Variants in IPO11 observed in about 807,000 individuals in gnomAD.
The protein encoded by IPO11 is importin-11.
Under a neutral mutation model 143.2 loss-of-function variants are expected in IPO11, and 66 were observed. The observed-to-expected ratio is 0.46, with a 90% confidence interval of 0.38 to 0.57. The LOEUF is 0.57. Ranked by LOEUF, IPO11 falls within the 20% of genes least tolerant of loss-of-function variation. The pLI is 0.00. For missense variants in IPO11, 1,026 were observed against 1,141.0 expected, an observed-to-expected ratio of 0.90 and a Z score of 1.45; for synonymous variants, 385 against 377.8, an observed-to-expected ratio of 1.02 and a Z score of -0.22.
At chr5:62,469,340 A>G (rs746260207) in intron 6 of IPO11, among the ~76,000 whole-genome samples, 28 of 152,236 alleles carry the variant, frequency 1.8e-4, no homozygotes, top group Admixed American at 6.5e-4. Context: ...GGTCTTATAG[A>G]CAGCTACATT....
rs1035638792 is a variant in IPO11 at position 62,514,460 on chromosome 5, C to T, written c.1783-928C>T. Among the ~76,000 whole-genome samples the T allele has an allele frequency of 1.9e-4, 29 of 151,900 alleles. 1 individual carries two copies. Among genetic ancestry groups the T allele is most frequent in the African/African-American group, 6.3e-4 (26 of 41,222 alleles). On this transcript the variant is annotated intron_variant, in intron 19 of 29. Coordinates refer to ENST00000325324, the MANE Select transcript of IPO11 (RefSeq NM_016338.5). ...CACGAAAACCAGTCAGGCGTGGCGG[C>T]GCACGCCTGCAATCGCAGGCACTTG...
chr5:62,561,039 T>TTTAACCATGAC, intron 26 of IPO11, 97 bp from the exon 27 acceptor site: 1 of 1,112,120 alleles, frequency 9.0e-7, no homozygotes, highest in Non-Finnish European at 1.3e-6. Flanking sequence ...ATAATTGAAT[T>TTTAACCATGAC]TTAACCATGA....
intron 28 of IPO11, among the ~76,000 whole-genome samples, chr5:62,594,021 A>G (rs1258331475): frequency 6.6e-6 from 1 of 152,190 alleles, no homozygotes; most frequent in Non-Finnish European, 1.5e-5. Context: ...CTTCCTGTTT[A>G]TTTAAACAGT....
At chr5:62,494,362 T>G (rs1741053611) in intron 16 of IPO11, among the ~76,000 whole-genome samples, 1 of 152,148 alleles carries the variant, frequency 6.6e-6, no homozygotes, top group African/African-American at 2.4e-5. Context: ...AATTTATAAT[T>G]TCTTAGAAAA....
At chr5:62,435,200 G>GTATATATATATATA in intron 1 of IPO11, among the ~76,000 whole-genome samples, 1 of 104,696 alleles carries the variant, frequency 9.6e-6, no homozygotes, top group Admixed American at 1.1e-4. Context: ...GTATATATAT[G>GTATATATATATATA]TATATATATG....
chr5:62,422,101 T>A (rs1309755626), intron 1 of IPO11, among the ~76,000 whole-genome samples: 1 of 152,184 alleles, frequency 6.6e-6, no homozygotes, highest in Non-Finnish European at 1.5e-5. Flanking sequence ...TTTTCCTTCC[T>A]ATTTTTTTTC....
Position 62,483,201 on chromosome 5 carries a change from G to GC in IPO11, c.930dup (p.Val311ArgfsTer4). 5 of 1,610,428 alleles carry GC rather than the reference G, an allele frequency of 3.1e-6. No individual in the cohort carries two copies. Among genetic ancestry groups the GC allele is most frequent in the Non-Finnish European group, 4.2e-6 (5 of 1,177,366 alleles). ...TATGTTTTTACAGAAGTTGGTGAAGGCGTTACATTTGAACGATTCATTGTC... is the reference window on the plus strand; with the variant it reads ...TATGTTTTTACAGAAGTTGGTGAAGGCCGTTACATTTGAACGATTCATTGTC... On this transcript the variant is annotated frameshift_variant, in exon 10 of 30. Transcript: ENST00000325324. LOFTEE classifies it high-confidence loss of function.
chr5:62,614,370 T>C (rs560201945), intron 29 of IPO11, among the ~76,000 whole-genome samples: 4 of 152,198 alleles, frequency 2.6e-5, no homozygotes, highest in South Asian at 2.1e-4. Flanking sequence ...TTAATAGTGG[T>C]TCTCAACTGG....
At chr5:62,482,713 T>G (rs1408090876) in intron 9 of IPO11, among the ~76,000 whole-genome samples, 2 of 152,212 alleles carry the variant, frequency 1.3e-5, no homozygotes, top group African/African-American at 4.8e-5. Flanking sequence ...AGCTATTTGA[T>G]AACATTAAAA....
intron 29 of IPO11, among the ~76,000 whole-genome samples, chr5:62,614,594 T>C (rs997280484): frequency 6.6e-6 from 1 of 152,096 alleles, no homozygotes; most frequent in African/African-American, 2.4e-5. Flanking sequence ...AAGCCCCTTA[T>C]GGGAGGGTGA....
At chr5:62,494,907 T>C (rs1361500178) in intron 16 of IPO11, among the ~76,000 whole-genome samples, 1 of 152,074 alleles carries the variant, frequency 6.6e-6, no homozygotes, top group Non-Finnish European at 1.5e-5. Flanking sequence ...TCAGTCTCCC[T>C]CCCTTTACCC....
At chr5:62,506,873 G>A (rs969025851) in intron 19 of IPO11, among the ~76,000 whole-genome samples, 10 of 152,134 alleles carry the variant, frequency 6.6e-5, no homozygotes, top group African/African-American at 2.2e-4. Flanking sequence ...TTATCGTTGT[G>A]ACTTCCTATA....
chr5:62,495,077 A>G (rs1433658610), intron 16 of IPO11, among the ~76,000 whole-genome samples: 2 of 152,240 alleles, frequency 1.3e-5, no homozygotes, highest in Non-Finnish European at 2.9e-5. Flanking sequence ...GAAACACAAT[A>G]CATTCCAAAG....
intron 24 of IPO11, among the ~76,000 whole-genome samples, chr5:62,540,082 A>G (rs1742876700): frequency 6.6e-6 from 1 of 152,150 alleles, no homozygotes; most frequent in Non-Finnish European, 1.5e-5. Flanking sequence ...AAGTTCAGTA[A>G]ATGTGTGCTC....
intron 26 of IPO11, among the ~76,000 whole-genome samples, chr5:62,557,462 C>T (rs1423563837): frequency 6.6e-6 from 1 of 152,176 alleles, no homozygotes; most frequent in Non-Finnish European, 1.5e-5. Flanking sequence ...GGATTACAGG[C>T]ATGGGCCACC....
chr5:62,450,244 A>G (rs572318472), intron 4 of IPO11, among the ~76,000 whole-genome samples: 3 of 152,132 alleles, frequency 2.0e-5, no homozygotes, highest in Non-Finnish European at 4.4e-5. Flanking sequence ...CAGCTTTCTC[A>G]TTTTATGAGC....
At chr5:62,415,360 CCATTTTGG>C (rs1275641164) in intron 1 of IPO11, among the ~76,000 whole-genome samples, 3 of 151,748 alleles carry the variant, frequency 2.0e-5, no homozygotes, top group Non-Finnish European at 4.4e-5. Flanking sequence ...CAGGGTTTCA[CCATTTTGG>C]CCAGACTGGT....
intron 29 of IPO11, among the ~76,000 whole-genome samples, chr5:62,623,124 T>C (rs533576764): frequency 6.6e-6 from 1 of 152,340 alleles, no homozygotes; most frequent in Non-Finnish European, 1.5e-5. Flanking sequence ...TTGACAGTTA[T>C]CTGCAGCAAA....
At chr5:62,559,280 C>T (rs1013173688) in intron 26 of IPO11, among the ~76,000 whole-genome samples, 1 of 151,872 alleles carries the variant, frequency 6.6e-6, no homozygotes, top group African/African-American at 2.4e-5. Flanking sequence ...CTGAATGGTC[C>T]TCAGAGAGCA....
Sources: gnomAD v4.1 joint callset for allele counts (sites outside exome capture counted in the v4.1 genomes callset) on GRCh38, gnomAD v4.1.1 for gene constraint, MANE v1.5 for transcripts, NCBI Gene and HGNC (gene_info 2026-07-23, HGNC 2026-07-21) for gene names.